The following EPHA5 variants were observed in gnomAD, a reference collection of about 807,000 sequenced individuals.
EPHA5 encodes EPH receptor A5.
EPHA5 carries 60 observed loss-of-function variants against 105.0 expected under a neutral mutation model. The observed-to-expected ratio is 0.57, with a 90% confidence interval of 0.46 to 0.71. EPHA5 has a LOEUF of 0.71. Ranked by LOEUF, EPHA5 falls within the 30% of genes least tolerant of loss-of-function variation. EPHA5 has a pLI of 0.00. For synonymous variants in EPHA5, 513 were observed against 449.1 expected, an observed-to-expected ratio of 1.14 and a Z score of -1.80; for missense variants, 1,218 against 1,274.7, an observed-to-expected ratio of 0.96 and a Z score of 0.68.
chr4:65,631,218 T>C (rs1158213625), intron 2 of EPHA5, among the ~76,000 whole-genome samples: 1 of 152,196 alleles, frequency 6.6e-6, no homozygotes, highest in African/African-American at 2.4e-5. Flanking sequence ...CATTTTCCCT[T>C]CTTGCTGTAA....
At chr4:65,500,454 A>T (rs1340552164) in intron 3 of EPHA5, among the ~76,000 whole-genome samples, 13 of 151,062 alleles carry the variant, frequency 8.6e-5, no homozygotes, top group Non-Finnish European at 8.9e-5. Flanking sequence ...TTCCCCACTT[A>T]TCCTTTAAAC....
Position 65,404,366 on chromosome 4 carries a change from T to A in EPHA5, c.1793+8A>T, listed in dbSNP as rs763149885. 3 of 1,610,802 alleles carry A rather than the reference T, an allele frequency of 1.9e-6. No individual in the cohort carries two copies. The highest frequency in any genetic ancestry group is 2.5e-6 in the Non-Finnish European group (3 of 1,177,446). On this transcript the variant is annotated splice_region_variant and intron_variant, in intron 8 of 16. Coordinates refer to ENST00000613740, the MANE Select transcript of EPHA5 (RefSeq NM_001281766.3). ...GCAGAACTTCAGAATCACAGCTTCC[T>A]CTCTTACCTTCCACTGAGGAGGACG...
intron 1 of EPHA5, among the ~76,000 whole-genome samples, chr4:65,662,635 T>C (rs1048727107): frequency 3.9e-5 from 6 of 152,188 alleles, no homozygotes; most frequent in Admixed American, 3.9e-4. Context: ...TTATTCTTTT[T>C]TCTTTAGGCT....
At chr4:65,492,258 C>T (rs569059150) in intron 4 of EPHA5, among the ~76,000 whole-genome samples, 3 of 152,116 alleles carry the variant, frequency 2.0e-5, no homozygotes, top group African/African-American at 7.2e-5. Context: ...CTGAAATGCA[C>T]TGGAGTGATT....
chr4:65,626,138 A>G (rs1246982412), intron 2 of EPHA5, among the ~76,000 whole-genome samples: 1 of 151,816 alleles, frequency 6.6e-6, no homozygotes, highest in Non-Finnish European at 1.5e-5. Context: ...AAAAATGTTA[A>G]TTGAATATCA....
chr4:65,617,049 A>C (rs1745304461), intron 2 of EPHA5, among the ~76,000 whole-genome samples: 1 of 152,076 alleles, frequency 6.6e-6, no homozygotes, highest in Non-Finnish European at 1.5e-5. Flanking sequence ...GTATTGTGGG[A>C]TAACTCTTTT....
chr4:65,596,480 C>CCAAAAAAACAAACAAACAAAAAA, intron 3 of EPHA5, among the ~76,000 whole-genome samples: 1 of 151,562 alleles, frequency 6.6e-6, no homozygotes, highest in Non-Finnish European at 1.5e-5. Context: ...AACAAACAAA[C>CCAAAAAAACAAACAAACAAAAAA]CAAAAAAACA....
At chr4:65,482,513 T>A (rs1462061398) in intron 5 of EPHA5, among the ~76,000 whole-genome samples, 1 of 152,100 alleles carries the variant, frequency 6.6e-6, no homozygotes, top group East Asian at 1.9e-4. Context: ...ACTTTACCAC[T>A]GGAATGGGGG....
intron 3 of EPHA5, among the ~76,000 whole-genome samples, chr4:65,574,629 C>CAT (rs772588302): frequency 1.3e-4 from 10 of 78,668 alleles, no homozygotes; most frequent in African/African-American, 3.4e-4. Flanking sequence ...TATATATACA[C>CAT]ATATATATAT....
intron 5 of EPHA5, among the ~76,000 whole-genome samples, chr4:65,474,926 T>A (rs1050081724): frequency 2.0e-5 from 3 of 152,200 alleles, no homozygotes; most frequent in African/African-American, 4.8e-5. Flanking sequence ...TAAATAGACA[T>A]AAGAGCTGTT....
chr4:65,527,864 C>T (rs921904376), intron 3 of EPHA5, among the ~76,000 whole-genome samples: 3 of 151,990 alleles, frequency 2.0e-5, no homozygotes, highest in Admixed American at 6.6e-5. Context: ...CTCCGAAAGG[C>T]CCCAGTGAGT....
At chr4:65,556,800 T>C (rs903044244) in intron 3 of EPHA5, among the ~76,000 whole-genome samples, 4 of 152,110 alleles carry the variant, frequency 2.6e-5, no homozygotes, top group African/African-American at 9.7e-5. Flanking sequence ...TGCTCTATGA[T>C]ATGTTATGAT....
At chr4:65,420,676 T>C in intron 5 of EPHA5, 111 bp from the exon 6 acceptor site, 1 of 1,044,962 alleles carries the variant, frequency 9.6e-7, no homozygotes, top group Non-Finnish European at 1.3e-6. Context: ...ATAAAAAAAA[T>C]CCCAATTAAA....
intron 5 of EPHA5, among the ~76,000 whole-genome samples, chr4:65,438,879 G>T (rs1203051544): frequency 6.6e-6 from 1 of 152,092 alleles, no homozygotes; most frequent in African/African-American, 2.4e-5. Flanking sequence ...TATGAAAAAG[G>T]AGTGAGAACT....
At position 65,331,970 on chromosome 4, in the gene EPHA5, C is replaced by T. The variant is rs2148797855; in HGVS notation, c.2945+3G>A. ...TGTAAAAATTATCAGAAAAATTACTCACTCCAAGGTCACCTGAGCCACAGC... is the reference window on the plus strand; with the variant it reads ...TGTAAAAATTATCAGAAAAATTACTTACTCCAAGGTCACCTGAGCCACAGC... On this transcript the variant is annotated splice_donor_region_variant and intron_variant, in intron 16 of 16. Coordinates refer to ENST00000613740, the MANE Select transcript of EPHA5 (RefSeq NM_001281766.3). 1 of 1,564,916 alleles carries T rather than the reference C, an allele frequency of 6.4e-7. No homozygotes were observed. Among genetic ancestry groups the T allele is most frequent in the Non-Finnish European group, 8.6e-7 (1 of 1,159,854 alleles).
chr4:65,441,489 G>A (rs1475336574), intron 5 of EPHA5, among the ~76,000 whole-genome samples: 5 of 151,898 alleles, frequency 3.3e-5, no homozygotes, highest in African/African-American at 9.7e-5. Context: ...CTTTAAAAAT[G>A]CTCACTCTGG....
At chr4:65,607,482 A>G (rs2149450761) in intron 2 of EPHA5, among the ~76,000 whole-genome samples, 1 of 112,736 alleles carries the variant, frequency 8.9e-6, no homozygotes, top group East Asian at 2.9e-4. Context: ...AAACAAACAA[A>G]CAAACAAACA....
rs551160675 is a variant in EPHA5 at position 65,602,158 on chromosome 4, T to A, written c.393A>T (p.Lys131Asn). 6.2e-7 allele frequency: 1 copy of A among 1,614,090 alleles called. No individual in the cohort carries two copies. The highest frequency in any genetic ancestry group is 1.3e-5 in the African/African-American group (1 of 75,030). ...EGASRIFIEL[K>N]FTLRDCNSLP... ...GGCTGTTGCAGTCCCGCAGGGTAAA[T>A]TTGAGTTCTATGAAGATTCTGGAAG... Residue 131 changes from lysine (K) to asparagine (N), a missense_variant, in exon 3 of 17, where the codon AAA becomes AAT. Lys to Asn is a moderately conservative substitution (Grantham distance 94). This residue lies in a region of EPHA5 where 233 missense variants were observed against 227.5 expected (regional missense o/e 1.02). Coordinates refer to ENST00000613740, the MANE Select transcript of EPHA5 (RefSeq NM_001281766.3).
At chr4:65,669,493 C>A in intron 1 of EPHA5, 69 bp downstream of exon 1, 1 of 1,288,606 alleles carries the variant, frequency 7.8e-7, no homozygotes, top group Non-Finnish European at 9.9e-7. Context: ...CGCGCTGAGA[C>A]CTGAACTCCC....
Sources: gnomAD v4.1 joint callset for allele counts (sites outside exome capture counted in the v4.1 genomes callset) on GRCh38, gnomAD v4.1.1 for gene constraint, gnomAD v4.1.1 regional missense constraint, MANE v1.5 for transcripts, NCBI Gene and HGNC (gene_info 2026-07-23, HGNC 2026-07-21) for gene names.